The following LRRC20 variants were observed in gnomAD, a reference collection of about 807,000 sequenced individuals.
The protein encoded by LRRC20 is leucine rich repeat containing 20.
LRRC20 carries 11 observed loss-of-function variants against 14.4 expected under a neutral mutation model. That is an observed-to-expected ratio of 0.77 (90% CI 0.48 to 1.27). The LOEUF is 1.27. LRRC20 is among the 50% of genes most tolerant of loss of function. The pLI is 0.00. For missense variants in LRRC20, 219 were observed against 251.2 expected (o/e 0.87, Z 0.87); for synonymous variants, 121 against 107.3 (o/e 1.13, Z -0.79).
chr10:70,320,422 C>T (rs1192641767), intron 4 of LRRC20, among the ~76,000 whole-genome samples: 2 of 152,128 alleles, frequency 1.3e-5, no homozygotes, highest in African/African-American at 4.8e-5. Flanking sequence ...TGATGATGTA[C>T]TCTGACATTT....
chr10:70,333,867 T>C (rs1184821725), intron 3 of LRRC20, among the ~76,000 whole-genome samples: 2 of 152,216 alleles, frequency 1.3e-5, no homozygotes, highest in Non-Finnish European at 2.9e-5. Flanking sequence ...AATGTGTTTC[T>C]GGCCGGGTGC....
chr10:70,301,847 T>G (rs1230994640), intron 4 of LRRC20, among the ~76,000 whole-genome samples: 1 of 152,202 alleles, frequency 6.6e-6, no homozygotes, highest in African/African-American at 2.4e-5. Context: ...CAAATGTTCA[T>G]AGCAGCACTA....
chr10:70,326,515 G>A (rs189064251), intron 3 of LRRC20, among the ~76,000 whole-genome samples: 8 of 152,308 alleles, frequency 5.3e-5, no homozygotes, highest in Admixed American at 5.2e-4. Context: ...ACAGTGCAGG[G>A]GGCCTGGACT....
At chr10:70,360,142 C>G (rs1843670282) in intron 2 of LRRC20, among the ~76,000 whole-genome samples, 4 of 152,150 alleles carry the variant, frequency 2.6e-5, no homozygotes, top group Non-Finnish European at 5.9e-5. Flanking sequence ...TCTTGAACTC[C>G]TGACCTCATG....
chr10:70,334,660 T>C (rs560118322), intron 3 of LRRC20, among the ~76,000 whole-genome samples: 6 of 152,162 alleles, frequency 3.9e-5, no homozygotes, highest in African/African-American at 1.4e-4. Context: ...CACCCTGGCC[T>C]GTTAGGATGA....
chr10:70,305,231 C>T (rs962452864), intron 4 of LRRC20, among the ~76,000 whole-genome samples: 1 of 152,120 alleles, frequency 6.6e-6, no homozygotes, highest in Admixed American at 6.6e-5. Flanking sequence ...CATGTCATAA[C>T]GTGAATGAAC....
At chr10:70,337,449 C>T (rs774978279) in intron 3 of LRRC20, among the ~76,000 whole-genome samples, 7 of 152,168 alleles carry the variant, frequency 4.6e-5, no homozygotes, top group Non-Finnish European at 7.3e-5. Flanking sequence ...GTGAGGGAGT[C>T]AGGAGCCACT....
In LRRC20 at chr10:70,335,966, G is replaced by A. The variant is rs548369120; in HGVS notation, c.232+4587C>T. ...GGACACCCACAGACCGTGGACAAAC[G>A]TCTGCTGCACCGCCCCTCACATTAT... is the stretch of plus-strand genomic sequence containing the variant. On this transcript the variant is annotated intron_variant, in intron 3 of 4. Transcript: ENST00000446961. Among the ~76,000 whole-genome samples, 105 of 152,256 alleles carry A rather than the reference G, an allele frequency of 6.9e-4. 2 individuals are homozygous for A. The South Asian group carries it at 0.017, about 24-fold the overall frequency.
chr10:70,326,297 T>TACACAC (rs3998644), intron 3 of LRRC20, among the ~76,000 whole-genome samples: 16,533 of 140,232 alleles, frequency 0.12, 1,161 homozygotes, highest in East Asian at 0.33. Flanking sequence ...CGCCTCTGTG[T>TACACAC]ACACACACAC....
chr10:70,342,869 A>T (rs767009950), intron 2 of LRRC20, among the ~76,000 whole-genome samples: 1 of 152,084 alleles, frequency 6.6e-6, no homozygotes, highest in African/African-American at 2.4e-5. Context: ...GCGTGACAGC[A>T]CCACCCCATT....
At chr10:70,322,392 G>A (rs1036335690) in intron 4 of LRRC20, among the ~76,000 whole-genome samples, 15 of 152,322 alleles carry the variant, frequency 9.8e-5, no homozygotes, top group Middle Eastern at 3.4e-3. Flanking sequence ...GAACAGAGAC[G>A]GGAGACGAAG....
At chr10:70,371,757 G>C (rs1234763739) in intron 2 of LRRC20, among the ~76,000 whole-genome samples, 1 of 152,170 alleles carries the variant, frequency 6.6e-6, no homozygotes, top group Non-Finnish European at 1.5e-5. Context: ...GAGAGACTGG[G>C]AGGAAAGCAG....
chr10:70,306,864 C>G (rs915076655), intron 4 of LRRC20, among the ~76,000 whole-genome samples: 1 of 152,220 alleles, frequency 6.6e-6, no homozygotes, highest in Non-Finnish European at 1.5e-5. Context: ...CAGTATTCTA[C>G]TTCTCTTCCA....
chr10:70,368,156 G>GA (rs1844103698), intron 2 of LRRC20, among the ~76,000 whole-genome samples: 4 of 54,356 alleles, frequency 7.4e-5, no homozygotes, highest in Non-Finnish European at 1.3e-4. Context: ...GCTAATTTTT[G>GA]CTTTTTTTTT....
chr10:70,304,470 T>TTATATAGATATATATATATA (rs1554835659), intron 4 of LRRC20, among the ~76,000 whole-genome samples: 3 of 113,824 alleles, frequency 2.6e-5, no homozygotes, highest in African/African-American at 9.0e-5. Context: ...GGCCACTTCT[T>TTATATAGATATATATATATA]TATATATATA....
chr10:70,304,470 TTA>T (rs57284629), intron 4 of LRRC20, among the ~76,000 whole-genome samples: 5,162 of 113,536 alleles, frequency 0.045, 209 homozygotes, highest in African/African-American at 0.06. Context: ...GGCCACTTCT[TTA>T]TATATATATA....
chr10:70,350,235 C>T (rs890712040), intron 2 of LRRC20, among the ~76,000 whole-genome samples: 3 of 152,238 alleles, frequency 2.0e-5, no homozygotes, highest in African/African-American at 4.8e-5. Flanking sequence ...CTTTCCCTAG[C>T]AGCCCCAGCC....
At chr10:70,364,571 CAAG>C (rs1843894507) in intron 2 of LRRC20, among the ~76,000 whole-genome samples, 1 of 152,052 alleles carries the variant, frequency 6.6e-6, no homozygotes, top group Non-Finnish European at 1.5e-5. Flanking sequence ...AACATAAACA[CAAG>C]AAGGGAGTGG....
At chr10:70,333,421 A>AT (rs1208467906) in intron 3 of LRRC20, among the ~76,000 whole-genome samples, 1 of 152,054 alleles carries the variant, frequency 6.6e-6, no homozygotes, top group Non-Finnish European at 1.5e-5. Flanking sequence ...AATTTAACTT[A>AT]TTTTTTGTAG....
Sources: allele counts gnomAD v4.1 joint callset (sites outside exome capture counted in the v4.1 genomes callset), GRCh38; gene constraint gnomAD v4.1.1; transcripts MANE v1.5; gene names NCBI Gene and HGNC (gene_info 2026-07-23, HGNC 2026-07-21).